The following DPP6 variants were observed in gnomAD, a reference collection of about 807,000 sequenced individuals.
DPP6 encodes dipeptidyl peptidase like 6, also known as A-type potassium channel modulatory protein DPP6.
Under a neutral mutation model 122.6 loss-of-function variants are expected in DPP6, and 69 were observed. That is an observed-to-expected ratio of 0.56 (90% CI 0.46 to 0.69). The LOEUF is 0.69. DPP6 is among the 30% of genes least tolerant of loss of function. DPP6 has a pLI of 0.00. For synonymous variants in DPP6, 418 were observed against 433.1 expected (o/e 0.97, Z 0.43); for missense variants, 928 against 1,116.9 (o/e 0.83, Z 2.41).
At chr7:154,616,831 T>A (rs1834293244) in intron 5 of DPP6, among the ~76,000 whole-genome samples, 1 of 152,198 alleles carries the variant, frequency 6.6e-6, no homozygotes, top group Non-Finnish European at 1.5e-5. Flanking sequence ...TTCCATCTCA[T>A]TTGTAGGAAG....
At chr7:154,345,100 C>G (rs550983128) in intron 1 of DPP6, among the ~76,000 whole-genome samples, 2 of 152,196 alleles carry the variant, frequency 1.3e-5, no homozygotes, top group East Asian at 3.9e-4. Flanking sequence ...ACATTTATTT[C>G]CTGAAGTTTC....
At chr7:154,367,620 T>C (rs1272751807) in intron 1 of DPP6, among the ~76,000 whole-genome samples, 1 of 152,226 alleles carries the variant, frequency 6.6e-6, no homozygotes, top group Non-Finnish European at 1.5e-5. Flanking sequence ...TCTCCAAAAT[T>C]ATTACTAGAG....
chr7:154,487,862 C>T (rs60079122), intron 3 of DPP6, among the ~76,000 whole-genome samples: 13,558 of 152,050 alleles, frequency 0.089, 1,807 homozygotes, highest in African/African-American at 0.29. Flanking sequence ...TTGATCTCTT[C>T]GGTAACTGAG....
At chr7:154,887,634 C>T (rs1304784211) in intron 22 of DPP6, 42 bp from the exon 23 acceptor site, 2 of 1,609,922 alleles carry the variant, frequency 1.2e-6, no homozygotes, top group East Asian at 2.2e-5. Flanking sequence ...CTCACAGGGC[C>T]TCGAAGCCAG....
At chr7:154,207,648 C>T (rs987795799) in intron 1 of DPP6, among the ~76,000 whole-genome samples, 12 of 152,232 alleles carry the variant, frequency 7.9e-5, no homozygotes, top group Admixed American at 3.3e-4. Context: ...TTCACTCTAA[C>T]TACAAAACAA....
At chr7:153,789,718 G>A in the DPP6 span, among the ~76,000 whole-genome samples, 64 of 152,272 alleles carry the variant, frequency 4.2e-4, no homozygotes, top group Non-Finnish European at 6.0e-4. Context: ...TAGAAATAAT[G>A]AGGAAGTGTT....
chr7:154,296,069 C>T (rs1038393911), intron 1 of DPP6, among the ~76,000 whole-genome samples: 3 of 151,574 alleles, frequency 2.0e-5, no homozygotes, highest in Non-Finnish European at 2.9e-5. Flanking sequence ...CTCAGCCTCC[C>T]GAGCAGCTGA....
At chr7:153,909,200 T>A (rs1048156266) in intron 1 of DPP6, among the ~76,000 whole-genome samples, 7 of 152,228 alleles carry the variant, frequency 4.6e-5, no homozygotes, top group Admixed American at 4.6e-4. Flanking sequence ...TGAATGGGCA[T>A]GCTGAGGTTC....
intron 1 of DPP6, chr7:154,305,417 T>C: frequency 1.6e-6 from 2 of 1,227,716 alleles, no homozygotes; most frequent in Non-Finnish European, 2.1e-6. Flanking sequence ...CTCCTTACCT[T>C]ACCGCTTGGA....
chr7:154,449,323 A>T (rs773199110), intron 2 of DPP6, among the ~76,000 whole-genome samples: 1 of 152,242 alleles, frequency 6.6e-6, no homozygotes, highest in Non-Finnish European at 1.5e-5. Flanking sequence ...ATATGAAAAG[A>T]TGCTCAACAT....
At chr7:154,813,254 T>A (rs1222532013) in intron 16 of DPP6, among the ~76,000 whole-genome samples, 1 of 151,936 alleles carries the variant, frequency 6.6e-6, no homozygotes, top group Non-Finnish European at 1.5e-5. Context: ...CTAATTTTTT[T>A]TTGTATTTTT....
At chr7:153,849,899 T>C in the DPP6 span, among the ~76,000 whole-genome samples, 1 of 152,174 alleles carries the variant, frequency 6.6e-6, no homozygotes, top group South Asian at 2.1e-4. Context: ...AGTTAAAAAA[T>C]CAATTAATTT....
At chr7:154,264,769 G>A (rs978457489) in intron 1 of DPP6, among the ~76,000 whole-genome samples, 10 of 151,620 alleles carry the variant, frequency 6.6e-5, no homozygotes, top group Non-Finnish European at 1.2e-4. Context: ...TAGTGATAAT[G>A]ATGATGATCC....
At chr7:154,009,777 A>T (rs1443445964) in intron 1 of DPP6, among the ~76,000 whole-genome samples, 1 of 151,256 alleles carries the variant, frequency 6.6e-6, no homozygotes, top group African/African-American at 2.5e-5. Context: ...CTCACCCCAC[A>T]GTCAGCCCCT....
the DPP6 span, among the ~76,000 whole-genome samples, chr7:153,873,219 C>A: frequency 2.0e-5 from 3 of 152,166 alleles, no homozygotes; most frequent in Non-Finnish European, 4.4e-5. Context: ...ACTCACTGCC[C>A]CCCACCAAGG....
At chr7:154,233,480 A>T (rs564256859) in intron 1 of DPP6, among the ~76,000 whole-genome samples, 111 of 152,330 alleles carry the variant, frequency 7.3e-4, no homozygotes, top group African/African-American at 2.6e-3. Context: ...GTCTTTACCA[A>T]GGTAATCAAG....
At chr7:153,877,267 T>A in the DPP6 span, among the ~76,000 whole-genome samples, 2 of 152,178 alleles carry the variant, frequency 1.3e-5, no homozygotes, top group Admixed American at 6.5e-5. Flanking sequence ...AATAATACAA[T>A]CATACAGATA....
chr7:154,707,661 A>T (rs899611909), intron 7 of DPP6, among the ~76,000 whole-genome samples: 1 of 152,188 alleles, frequency 6.6e-6, no homozygotes, highest in African/African-American at 2.4e-5. Flanking sequence ...AACAGCTTTG[A>T]CATCTCCTCT....
intron 1 of DPP6, among the ~76,000 whole-genome samples, chr7:154,120,748 T>C (rs1807390715): frequency 6.6e-6 from 1 of 152,240 alleles, no homozygotes; most frequent in African/African-American, 2.4e-5. Context: ...TCTGGTTTCA[T>C]GCAAAGTTGA....
Sources: gnomAD v4.1 joint callset for allele counts (sites outside exome capture counted in the v4.1 genomes callset) on GRCh38, gnomAD v4.1.1 for gene constraint, MANE v1.5 for transcripts, NCBI Gene and HGNC (gene_info 2026-07-23, HGNC 2026-07-21) for gene names.